Variants in ANKRD30B observed in about 807,000 individuals in gnomAD.
ANKRD30B encodes the protein ankyrin repeat domain-containing protein 30B.
A neutral mutation model predicts 202.2 loss-of-function variants in ANKRD30B; 144 were observed. The observed-to-expected ratio is 0.71, with a 90% CI of 0.62 to 0.82. The LOEUF (loss-of-function observed/expected upper bound fraction) is 0.82, where lower values mean the gene tolerates loss of function less well. Among genes scored for constraint, ANKRD30B ranks in the 40% least tolerant of loss-of-function variants. The pLI, the probability that ANKRD30B is intolerant of heterozygous loss-of-function variation, is 0.00. For missense variants in ANKRD30B, 1,487 were observed against 1,669.1 expected (o/e 0.89, Z 1.90); for synonymous variants, 508 against 561.3 (o/e 0.91, Z 1.34).
In ANKRD30B at chr18:14,755,014, G is replaced by A. The variant is rs1371319323; in HGVS notation, c.617+9G>A. 7 of 1,423,100 alleles carry A rather than the reference G, an allele frequency of 4.9e-6. No homozygotes were observed. The highest frequency in any genetic ancestry group is 6.5e-6 in the Non-Finnish European group (7 of 1,078,680). 88.2% of individuals were successfully genotyped at this position (1,423,100 alleles called of 1,614,324 possible). On this transcript the variant is annotated intron_variant, in intron 4 of 43. Transcript: ENST00000690538. Reference sequence around the variant, plus strand: ...TTTAATGAGTCTAAATGGTATGGTAGTTCTTTTTTTTTACTAAAAAACACT... The same window carrying A: ...TTTAATGAGTCTAAATGGTATGGTAATTCTTTTTTTTTACTAAAAAACACT...
the ANKRD30B span, among the ~76,000 whole-genome samples, chr18:14,867,337 G>C: frequency 1.3e-3 from 198 of 147,920 alleles, 8 homozygotes; most frequent in Non-Finnish European, 4.2e-4. Context: ...GGGGTGGTAT[G>C]GGGGGAGGCT....
At chr18:14,764,784 T>G (rs2143742745) in intron 7 of ANKRD30B, among the ~76,000 whole-genome samples, 1 of 152,300 alleles carries the variant, frequency 6.6e-6, no homozygotes, top group East Asian at 1.9e-4. Flanking sequence ...TTGTTCACAT[T>G]TTTCTTTTAA....
At position 14,763,898 on chromosome 18, in the gene ANKRD30B, G is replaced by T; in HGVS notation, c.1033G>T (p.Glu345Ter). The change falls in exon 7 of 44, where the codon GAA (glutamate) becomes TAA (stop). Residue 345 changes from glutamate (E) to a stop codon, truncating the protein, a stop_gained. Coordinates refer to ENST00000690538, the MANE Select transcript of ANKRD30B (RefSeq NM_001367607.2). LOFTEE classifies it high-confidence loss of function. The part of the protein sequence containing the change: ...TPRKILRPTK[E>*]TSEKFSWPAK... ...TAGGAAAATTTTGAGGCCTACAAAA[G>T]AAACATCTGAGAAATTTTCATGGCC... is the stretch of plus-strand genomic sequence containing the variant. 6.2e-7 allele frequency: 1 copy of T among 1,611,944 alleles called. No individual in the cohort carries two copies. The highest frequency in any genetic ancestry group is 1.1e-5 in the South Asian group (1 of 90,716).
intron 14 of ANKRD30B, among the ~76,000 whole-genome samples, chr18:14,786,125 G>A (rs1426864539): frequency 6.6e-6 from 1 of 151,246 alleles, no homozygotes; most frequent in Non-Finnish European, 1.5e-5. Flanking sequence ...ATGATGAAAC[G>A]GTCTTTTAAC....
intron 33 of ANKRD30B, 66 bp downstream of exon 33, chr18:14,828,374 A>G (rs1400854948): frequency 2.7e-6 from 3 of 1,115,282 alleles, no homozygotes; most frequent in Non-Finnish European, 3.9e-6. Flanking sequence ...AGAAATCACT[A>G]TCTGCTGAGT....
the ANKRD30B span, among the ~76,000 whole-genome samples, chr18:14,926,112 C>T: frequency 1.3e-5 from 2 of 152,186 alleles, no homozygotes; most frequent in African/African-American, 2.4e-5. Context: ...AACACGGCAG[C>T]GAGGAAGACC....
At chr18:14,810,209 G>T (rs1969833979) in intron 28 of ANKRD30B, 29 bp downstream of exon 28, 2 of 1,255,256 alleles carry the variant, frequency 1.6e-6, no homozygotes, top group Admixed American at 4.9e-5. Context: ...ATTTTACTCT[G>T]GAATTAAGAA....
chr18:14,909,227 C>A, the ANKRD30B span, among the ~76,000 whole-genome samples: 1 of 152,156 alleles, frequency 6.6e-6, no homozygotes, highest in Non-Finnish European at 1.5e-5. Flanking sequence ...GAACTCTGTG[C>A]TTGTTAAGGG....
intron 34 of ANKRD30B, among the ~76,000 whole-genome samples, chr18:14,834,546 A>G (rs1415955127): frequency 6.6e-6 from 1 of 152,042 alleles, no homozygotes; most frequent in Non-Finnish European, 1.5e-5. Context: ...AAACATAGCC[A>G]GCTAATAAAA....
intron 14 of ANKRD30B, among the ~76,000 whole-genome samples, 189 bp downstream of exon 14, chr18:14,784,724 A>T (rs112922655): frequency 0.017 from 2,212 of 130,884 alleles, 59 homozygotes; most frequent in African/African-American, 0.062. Context: ...TATTTTTTTT[A>T]AAAAAATGTA....
chr18:14,864,146 C>G, the ANKRD30B span, among the ~76,000 whole-genome samples: 1 of 152,108 alleles, frequency 6.6e-6, no homozygotes, highest in Non-Finnish European at 1.5e-5. Flanking sequence ...ACCAGCCTGA[C>G]CAACATGGAG....
intron 41 of ANKRD30B, 93 bp from the exon 42 acceptor site, chr18:14,851,416 T>C: frequency 7.6e-7 from 1 of 1,315,798 alleles, no homozygotes; most frequent in Non-Finnish European, 1.0e-6. Context: ...ACCCTTTCAT[T>C]GTATAAACGT....
In ANKRD30B at chr18:14,851,678, T is replaced by C; in HGVS notation, c.3734T>C (p.Leu1245Pro). The C allele has an allele frequency of 6.2e-7, 1 of 1,610,572 alleles. No individual in the cohort carries two copies. Among genetic ancestry groups the C allele is most frequent in the South Asian group, 1.1e-5 (1 of 90,596 alleles). The change falls in exon 42 of 44, where the codon CTT becomes CCT. Residue 1245 changes from leucine to proline, a missense_variant. Physicochemically the swap from Leu to Pro is moderately conservative, Grantham distance 98 (BLOSUM62 -3). Transcript: ENST00000690538. Reference sequence around the variant, plus strand: ...ATTTTACAAGAAAAGAATGCTGAACTTCAAATGACCCTAAAACTGAAACAG... The same window carrying C: ...ATTTTACAAGAAAAGAATGCTGAACCTCAAATGACCCTAAAACTGAAACAG... ...IKILQEKNAE[L>P]QMTLKLKQKT...
At chr18:14,824,977 T>A (rs981364011) in intron 32 of ANKRD30B, among the ~76,000 whole-genome samples, 1 of 152,224 alleles carries the variant, frequency 6.6e-6, no homozygotes, top group Non-Finnish European at 1.5e-5. Flanking sequence ...ACAGTTTGCA[T>A]TGTGTCCCTT....
the ANKRD30B span, among the ~76,000 whole-genome samples, chr18:14,908,341 C>T: frequency 2.0e-5 from 3 of 152,186 alleles, no homozygotes; most frequent in Non-Finnish European, 4.4e-5. Context: ...GATGCAACTC[C>T]CCTCCACAAA....
rs146877474 is a variant in ANKRD30B, at chr18:14,769,482, C to A, written c.1256+109C>A. 7.1e-4 allele frequency: 585 copies of A among 829,440 alleles called. 4 individuals carry two copies. The East Asian group carries it at 0.016, about 22-fold the overall frequency. The allele number at this position is 829,440 out of a possible 1,614,324, so 51.4% of individuals were successfully genotyped here. A position where few individuals can be genotyped will look rare whatever the true frequency, so the allele number is the denominator to read the frequency against. On this transcript the variant is annotated intron_variant, in intron 8 of 43. Transcript: ENST00000690538. ...TCTGGGCTAGACAACATATTATGTG[C>A]TTAATATTTATCATCTCACATAGTC...
chr18:14,905,234 A>G, the ANKRD30B span, among the ~76,000 whole-genome samples: 1 of 152,234 alleles, frequency 6.6e-6, no homozygotes, highest in Non-Finnish European at 1.5e-5. Flanking sequence ...TGCCCTGCCT[A>G]TGATGTAGCT....
chr18:14,839,306 C>T (rs1240164012), intron 36 of ANKRD30B, among the ~76,000 whole-genome samples: 1 of 152,068 alleles, frequency 6.6e-6, no homozygotes, highest in Non-Finnish European at 1.5e-5. Flanking sequence ...AGTGGAATTC[C>T]ATGGTCAGAG....
chr18:14,766,493 A>AAAAAAAAAAAAAAAG (rs1567989711), intron 7 of ANKRD30B, among the ~76,000 whole-genome samples: 2 of 85,004 alleles, frequency 2.4e-5, no homozygotes, highest in Non-Finnish European at 2.7e-5. Context: ...AAAAAAAAAA[A>AAAAAAAAAAAAAAAG]AAAAGAAAAG....
Sources: gnomAD v4.1 joint callset for allele counts (sites outside exome capture counted in the v4.1 genomes callset) on GRCh38, gnomAD v4.1.1 for gene constraint, MANE v1.5 for transcripts, NCBI Gene and HGNC (gene_info 2026-07-23, HGNC 2026-07-21) for gene names.